ADAM32: variants seen among roughly 807,000 people sequenced by gnomAD.
ADAM32 encodes the protein ADAM metallopeptidase domain 32, also known as disintegrin and metalloproteinase domain-containing protein 32.
In ADAM32, 89 loss-of-function variants were observed where a neutral mutation model predicts 114.9. The observed-to-expected ratio is 0.77, with a 90% CI of 0.65 to 0.92. The LOEUF is 0.92. Among genes scored for constraint, ADAM32 ranks in the 40% least tolerant of loss-of-function variants. ADAM32 has a pLI of 0.00. For synonymous variants in ADAM32, 285 were observed against 307.5 expected (o/e 0.93, Z 0.77); for missense variants, 870 against 932.8 (o/e 0.93, Z 0.88).
intron 16 of ADAM32, among the ~76,000 whole-genome samples, chr8:39,235,186 GC>G (rs1397796600): frequency 6.6e-6 from 1 of 152,024 alleles, no homozygotes; most frequent in Admixed American, 6.6e-5. Flanking sequence ...CCAGATCTTT[GC>G]TCATAGGGAA....
chr8:39,126,102 C>T (rs1398498559), intron 2 of ADAM32, among the ~76,000 whole-genome samples: 1 of 152,182 alleles, frequency 6.6e-6, no homozygotes, highest in Non-Finnish European at 1.5e-5. Context: ...ATGATGCCTT[C>T]AGCTTCGTTC....
At chr8:39,149,966 C>T in intron 5 of ADAM32, 99 bp downstream of exon 5, 1 of 854,068 alleles carries the variant, frequency 1.2e-6, no homozygotes, top group Non-Finnish European at 1.8e-6. Context: ...AGGAGCTTTC[C>T]TATGTGGAGA....
chr8:39,172,627 A>G (rs183060649), intron 10 of ADAM32, among the ~76,000 whole-genome samples: 36 of 152,320 alleles, frequency 2.4e-4, no homozygotes, highest in Admixed American at 1.0e-3. Context: ...AATGGCTTCC[A>G]GTTCCATCCT....
At chr8:39,144,229 C>G (rs1233111705) in intron 3 of ADAM32, among the ~76,000 whole-genome samples, 1 of 152,174 alleles carries the variant, frequency 6.6e-6, no homozygotes, top group Non-Finnish European at 1.5e-5. Context: ...TGGGCTGTAC[C>G]CACTGTTGAT....
At chr8:39,181,240 A>G (rs28505965) in intron 10 of ADAM32, among the ~76,000 whole-genome samples, 37,295 of 151,902 alleles carry the variant, frequency 0.25, 4,911 homozygotes, top group Non-Finnish European at 0.29. Context: ...AACACTCACC[A>G]CGAAGATCTG....
At chr8:39,121,302 G>T (rs190563635) in intron 2 of ADAM32, among the ~76,000 whole-genome samples, 1 of 152,230 alleles carries the variant, frequency 6.6e-6, no homozygotes, top group East Asian at 1.9e-4. Context: ...TTAACTTCTG[G>T]GATTCTACAG....
chr8:39,207,095 C>T (rs903864349), intron 11 of ADAM32, among the ~76,000 whole-genome samples: 2 of 152,070 alleles, frequency 1.3e-5, no homozygotes, highest in African/African-American at 4.8e-5. Context: ...ATCTTGTTTA[C>T]CTTTTCTTGC....
chr8:39,125,570 G>A (rs900787780), intron 2 of ADAM32, among the ~76,000 whole-genome samples: 4 of 152,092 alleles, frequency 2.6e-5, no homozygotes, highest in Non-Finnish European at 4.4e-5. Flanking sequence ...TCTTCATCTG[G>A]TAATTTTTAG....
chr8:39,146,480 A>G (rs4733982), intron 3 of ADAM32, among the ~76,000 whole-genome samples: 113,514 of 149,432 alleles, frequency 0.76, 43,551 homozygotes, highest in African/African-American at 0.87. Flanking sequence ...GTGTGATCTC[A>G]GCTCACTGCA....
At chr8:39,230,326 A>G (rs1398116411) in intron 14 of ADAM32, among the ~76,000 whole-genome samples, 1 of 152,192 alleles carries the variant, frequency 6.6e-6, no homozygotes, top group African/African-American at 2.4e-5. Context: ...AGAGAAAGTG[A>G]TCATCTAATA....
At chr8:39,212,622 T>A (rs1312481416) in intron 12 of ADAM32, among the ~76,000 whole-genome samples, 15 of 152,194 alleles carry the variant, frequency 9.9e-5, no homozygotes. Context: ...TTGAGATTCA[T>A]CCATTTATTT....
chr8:39,207,087 C>A (rs1480150190), intron 11 of ADAM32, among the ~76,000 whole-genome samples: 2 of 152,054 alleles, frequency 1.3e-5, no homozygotes, highest in Non-Finnish European at 2.9e-5. Flanking sequence ...GGCTGGGGAT[C>A]TTGTTTACCT....
chr8:39,130,448 T>A (rs943239870), intron 2 of ADAM32, among the ~76,000 whole-genome samples: 10 of 152,172 alleles, frequency 6.6e-5, no homozygotes, highest in African/African-American at 2.4e-4. Flanking sequence ...TTATCATTGT[T>A]TAAATGTCTT....
At chr8:39,160,380 A>T (rs890390121) in intron 6 of ADAM32, among the ~76,000 whole-genome samples, 5 of 152,060 alleles carry the variant, frequency 3.3e-5, no homozygotes, top group Admixed American at 6.5e-5. Flanking sequence ...CTCTACTAAA[A>T]ATACAAAAAA....
chr8:39,270,080 T>A (rs1344329628), intron 19 of ADAM32, among the ~76,000 whole-genome samples: 1 of 152,204 alleles, frequency 6.6e-6, no homozygotes, highest in East Asian at 1.9e-4. Flanking sequence ...ATTCAATTAC[T>A]TCCACCTGGT....
At chr8:39,221,542 A>G (rs1808960064) in intron 12 of ADAM32, 68 bp from the exon 13 acceptor site, 1 of 1,239,926 alleles carries the variant, frequency 8.1e-7, no homozygotes, top group African/African-American at 1.5e-5. Flanking sequence ...CCATCAAAAT[A>G]TAACTCCTAG....
Position 39,136,668 on chromosome 8 carries a change from C to G in ADAM32, c.150C>G (p.Ser50=), listed in dbSNP as rs772257296. ...TTTGAATTCTCTAGGAACAAATATC[C>G]TATATTATTCCAATAGATGAGAAAC... ...DSSEIEYEQI[S]YIIPIDEKLY... The change falls in exon 3 of 25, where the codon TCC becomes TCG. Residue 50 remains serine, a synonymous_variant. Coordinates refer to ENST00000379907, the MANE Select transcript of ADAM32 (RefSeq NM_145004.7). The G allele has an allele frequency of 1.3e-6, 2 of 1,537,784 alleles. No homozygotes were observed. The highest frequency in any genetic ancestry group is 2.8e-5 in the African/African-American group (2 of 71,742).
chr8:39,277,781 C>G (rs2129451618), intron 22 of ADAM32, among the ~76,000 whole-genome samples: 1 of 152,358 alleles, frequency 6.6e-6, no homozygotes, highest in South Asian at 2.1e-4. Context: ...TCTGTGCAGG[C>G]CCTGCAGCGG....
intron 12 of ADAM32, among the ~76,000 whole-genome samples, chr8:39,219,026 C>G (rs1323315443): frequency 1.3e-5 from 2 of 152,086 alleles, no homozygotes; most frequent in Non-Finnish European, 2.9e-5. Flanking sequence ...AGCAGGTTCC[C>G]TTCTGGCCAG....
Sources: gnomAD v4.1 joint callset for allele counts (sites outside exome capture counted in the v4.1 genomes callset) on GRCh38, gnomAD v4.1.1 for gene constraint, MANE v1.5 for transcripts, NCBI Gene and HGNC (gene_info 2026-07-23, HGNC 2026-07-21) for gene names.